Variants in ADGRL1 observed in about 807,000 individuals in gnomAD.
ADGRL1 encodes the protein CIRL-1.
ADGRL1 carries 31 observed loss-of-function variants against 148.9 expected under a neutral mutation model. The ratio of observed to expected loss-of-function variants is 0.21; its 90% CI spans 0.16 to 0.28. The LOEUF (loss-of-function observed/expected upper bound fraction) is 0.28. Ranked by LOEUF, ADGRL1 falls within the 10% of genes least tolerant of loss-of-function variation. The pLI, the probability that ADGRL1 is intolerant of heterozygous loss-of-function variation, is 1.00. For missense variants in ADGRL1, 1,521 were observed against 2,058.8 expected (o/e 0.74, Z 5.05); for synonymous variants, 937 against 900.3 (o/e 1.04, Z -0.73).
chr19:14,180,970 C>G (rs1235629251), intron 2 of ADGRL1, among the ~76,000 whole-genome samples: 1 of 152,032 alleles, frequency 6.6e-6, no homozygotes, highest in Non-Finnish European at 1.5e-5. Flanking sequence ...ATGGTGTGAA[C>G]CTGGGAGGTA....
chr19:14,196,114 G>A (rs1289874459), intron 1 of ADGRL1, among the ~76,000 whole-genome samples: 2 of 152,078 alleles, frequency 1.3e-5, no homozygotes, highest in Non-Finnish European at 1.5e-5. Context: ...TCTACACCTC[G>A]TCTCCCTATC....
At chr19:14,170,428 T>G in intron 4 of ADGRL1, 1 of 394,140 alleles carries the variant, frequency 2.5e-6, no homozygotes, top group South Asian at 3.3e-5. Context: ...GCAGGGTGAG[T>G]GGGCTGGGGT....
Position 14,149,771 on chromosome 19 carries a change from G to GGCCC in ADGRL1, c.*1098_*1101dup, listed in dbSNP as rs1568556688. 6.6e-6 allele frequency: 1 copy of GGCCC among 152,460 alleles called. No individual in the cohort carries two copies. Among genetic ancestry groups the GGCCC allele is most frequent in the African/African-American group, 2.4e-5 (1 of 41,406 alleles). 9.4% of individuals were successfully genotyped at this position (152,460 alleles called of 1,614,324 possible). On this transcript the variant is annotated 3_prime_UTR_variant, in exon 23 of 23. Coordinates refer to ENST00000361434, the MANE Select transcript of ADGRL1 (RefSeq NM_014921.5). Reference sequence around the variant, plus strand: ...CTGGATTGTAAAAAGCTGCTCTGGCGGCCCGCCCGCCCCGGCGGGGACTGG... The same window carrying GGCCC: ...CTGGATTGTAAAAAGCTGCTCTGGCGGCCCGCCCGCCCGCCCCGGCGGGGACTGG...
chr19:14,176,629 G>A (rs1970845961), intron 3 of ADGRL1, among the ~76,000 whole-genome samples: 1 of 151,924 alleles, frequency 6.6e-6, no homozygotes, highest in East Asian at 1.9e-4. Context: ...TTGAGGCCAG[G>A]AGTTTAAGAC....
chr19:14,179,044 C>T (rs919651046), intron 2 of ADGRL1, among the ~76,000 whole-genome samples: 1 of 151,700 alleles, frequency 6.6e-6, no homozygotes, highest in Non-Finnish European at 1.5e-5. Flanking sequence ...ATCAGCTGGA[C>T]GTGGTGGCAT....
At chr19:14,169,524 G>C (rs1970292210) in intron 4 of ADGRL1, 1 of 152,278 alleles carries the variant, frequency 6.6e-6, no homozygotes, top group South Asian at 2.1e-4. Context: ...GTGGCTGAAG[G>C]CCTCAAGCGC....
At position 14,149,300 on chromosome 19, in the gene ADGRL1, C is replaced by G. The variant is rs954381257; in HGVS notation, c.*1573G>C. 6.6e-6 allele frequency: 1 copy of G among 152,356 alleles called. No individual in the cohort carries two copies. Among genetic ancestry groups the G allele is most frequent in the Non-Finnish European group, 1.5e-5 (1 of 68,124 alleles). 9.4% of individuals were successfully genotyped at this position (152,356 alleles called of 1,614,324 possible). On this transcript the variant is annotated 3_prime_UTR_variant, in exon 23 of 23. Coordinates refer to ENST00000361434, the MANE Select transcript of ADGRL1 (RefSeq NM_014921.5). ...CTGGCACCTGGCTTCGTCTTCCCTG[C>G]GGGAAGGTGGAGGATAGGGAAGGTG...
chr19:14,191,377 C>T, intron 1 of ADGRL1: 2 of 456,672 alleles, frequency 4.4e-6, no homozygotes, highest in Non-Finnish European at 4.4e-6. Flanking sequence ...AACGGGGATA[C>T]CTCAGAGGGC....
intron 1 of ADGRL1, among the ~76,000 whole-genome samples, chr19:14,184,622 A>T (rs1353749901): frequency 2.4e-5 from 3 of 125,106 alleles, no homozygotes; most frequent in African/African-American, 3.4e-5. Flanking sequence ...TTATTTATTT[A>T]TTTATTTATT....
chr19:14,201,049 C>G (rs1013929549), intron 1 of ADGRL1, among the ~76,000 whole-genome samples: 6 of 152,118 alleles, frequency 3.9e-5, no homozygotes, highest in Non-Finnish European at 8.8e-5. Context: ...TGACATCCAT[C>G]GGGAAGAGGC....
At chr19:14,177,858 G>T in intron 2 of ADGRL1, 114 bp from the exon 3 acceptor site, 1 of 876,804 alleles carries the variant, frequency 1.1e-6, no homozygotes, top group Non-Finnish European at 1.7e-6. Flanking sequence ...GAAGCCAGCT[G>T]AGGCAGCCTC....
rs532695038 is a variant in ADGRL1, at chr19:14,155,090, G to T, written c.3294+269C>A. On this transcript the variant is annotated intron_variant, in intron 18 of 22. Coordinates refer to ENST00000361434, the MANE Select transcript of ADGRL1 (RefSeq NM_014921.5). This position sits in a 1 kb window ranked among gnomAD's most constrained non-coding sequence, Gnocchi z 5.0. ...ACTCGTGGCCCTCATGGTGGTGAGG[G>T]TTCCCCATTACCAAATCTGTTCTGC... The T allele has an allele frequency of 4.0e-6, 1 of 247,716 alleles. No homozygotes were observed. Among genetic ancestry groups the T allele is most frequent in the African/African-American group, 2.3e-5 (1 of 44,440 alleles). The allele number at this position is 247,716 out of a possible 1,614,324, so 15.3% of individuals were successfully genotyped here.
Position 14,152,048 on chromosome 19 carries a change from C to T in ADGRL1, c.3667+85G>A, listed in dbSNP as rs1968255737. ...GGCATGGGGAGGCATCCCGAGTTCTCCTCCTTAAGTGAGGCCGTCTGAGAA... is the reference window on the plus strand; with the variant it reads ...GGCATGGGGAGGCATCCCGAGTTCTTCTCCTTAAGTGAGGCCGTCTGAGAA... On this transcript the variant is annotated intron_variant, in intron 22 of 22. Coordinates refer to ENST00000361434, the MANE Select transcript of ADGRL1 (RefSeq NM_014921.5). The surrounding 1 kb of genome is among the most constrained non-coding windows in gnomAD (Gnocchi z 6.1). The T allele has an allele frequency of 2.3e-6, 3 of 1,320,442 alleles. 1 individual carries two copies. In the South Asian group the frequency reaches 3.5e-5, roughly 16 times the overall value. The allele number at this position is 1,320,442 out of a possible 1,614,324, so 81.8% of individuals were successfully genotyped here.
At position 14,198,917 on chromosome 19, in the gene ADGRL1, T is replaced by C. The variant is rs73925771; in HGVS notation, c.-96+7068A>G. 4.1e-3 allele frequency among the ~76,000 whole-genome samples: 628 copies of C among 152,258 alleles called. 8 individuals carry two copies. Among genetic ancestry groups the C allele is most frequent in the African/African-American group, 0.014 (585 of 41,556 alleles). On this transcript the variant is annotated intron_variant, in intron 1 of 22. Coordinates refer to ENST00000361434, the MANE Select transcript of ADGRL1 (RefSeq NM_014921.5). ...CCTGTGGTCTGTTTCCACTCCAAAG[T>C]GTTCACTGTCCAGCCCCAACCTTTG...
At chr19:14,170,472 G>T (rs1341626080) in intron 4 of ADGRL1, 6 of 507,954 alleles carry the variant, frequency 1.2e-5, no homozygotes, top group Non-Finnish European at 1.8e-5. Flanking sequence ...CCACAGGAGG[G>T]GACAGAGTCT....
chr19:14,152,802 G>C lies in ADGRL1; in HGVS notation c.3405C>G (p.Arg1135=). 1 of 1,614,104 alleles carries C rather than the reference G, an allele frequency of 6.2e-7. No homozygotes were observed. Among genetic ancestry groups the C allele is most frequent in the Non-Finnish European group, 8.5e-7 (1 of 1,179,990 alleles). Residue 1135 remains arginine, a synonymous_variant, in exon 19 of 23, where the codon CGC becomes CGG. Coordinates refer to ENST00000361434, the MANE Select transcript of ADGRL1 (RefSeq NM_014921.5). The surrounding 1 kb of genome is among the most constrained non-coding windows in gnomAD (Gnocchi z 6.1). The part of the protein sequence containing the change: ...LKTSAMRSNT[R]YYTGTQSRIR... The stretch of plus-strand genomic sequence containing the variant: ...CCGATACCTGGGTCCCTGTGTAGTA[G>C]CGGGTGTTGCTTCGCATGGCTGAGG...
At chr19:14,188,313 C>A (rs114500743) in intron 1 of ADGRL1, among the ~76,000 whole-genome samples, 8,806 of 152,094 alleles carry the variant, frequency 0.058, 257 homozygotes, top group African/African-American at 0.069. Context: ...TGGGCCAATA[C>A]AGGCCCCATC....
chr19:14,186,691 CT>C (rs1409975936), intron 1 of ADGRL1, among the ~76,000 whole-genome samples: 1 of 152,206 alleles, frequency 6.6e-6, no homozygotes, highest in African/African-American at 2.4e-5. Flanking sequence ...AACTGACCCC[CT>C]GGTCTCTGCT....
intron 4 of ADGRL1, among the ~76,000 whole-genome samples, chr19:14,166,008 C>G (rs1005396100): frequency 6.6e-6 from 1 of 152,172 alleles, no homozygotes; most frequent in Admixed American, 6.6e-5. Context: ...CTCCGCTCCC[C>G]CCAATAACAG....
Sources: gnomAD v4.1 joint callset for allele counts (sites outside exome capture counted in the v4.1 genomes callset) on GRCh38, gnomAD v4.1.1 for gene constraint, Gnocchi (gnomAD v3.1) non-coding constraint, MANE v1.5 for transcripts, NCBI Gene and HGNC (gene_info 2026-07-23, HGNC 2026-07-21) for gene names.